Variants in PCDH9 observed in about 807,000 individuals in gnomAD.
The protein encoded by PCDH9 is protocadherin-9.
Under a neutral mutation model 70.6 loss-of-function variants are expected in PCDH9, and 24 were observed. The observed-to-expected ratio is 0.34, with a 90% confidence interval of 0.25 to 0.48. The LOEUF is 0.48. PCDH9 is among the 20% of genes least tolerant of loss of function. PCDH9 has a pLI of 0.99. For missense variants in PCDH9, 1,281 were observed against 1,503.6 expected (o/e 0.85, Z 2.45); for synonymous variants, 562 against 558.5 (o/e 1.01, Z -0.09).
At position 66,602,922 on chromosome 13, in the gene PCDH9, A is replaced by G. The variant is rs555028802; in HGVS notation, c.3340+28288T>C. On this transcript the variant is annotated intron_variant, in intron 4 of 4. Coordinates refer to ENST00000377865, the MANE Select transcript of PCDH9 (RefSeq NM_203487.3). ...ATACAGTATTGTGTTATAATTGCCT[A>G]CAGTATTCAATATAGTAACATGTTG... Among the ~76,000 whole-genome samples the G allele has an allele frequency of 6.2e-5, 9 of 146,176 alleles. 1 individual carries two copies. Among genetic ancestry groups the G allele is most frequent in the South Asian group, 4.4e-4 (2 of 4,554 alleles).
intron 4 of PCDH9, among the ~76,000 whole-genome samples, chr13:66,377,358 G>T (rs767909984): frequency 3.3e-5 from 5 of 152,142 alleles, no homozygotes; most frequent in Non-Finnish European, 5.9e-5. Flanking sequence ...CGAGGCTCAA[G>T]AAGTTGCATT....
intron 4 of PCDH9, among the ~76,000 whole-genome samples, chr13:66,443,423 A>T (rs1958010779): frequency 6.6e-6 from 1 of 152,204 alleles, no homozygotes; most frequent in South Asian, 2.1e-4. Context: ...TGTTCTGAAT[A>T]AATTGTTTCT....
At chr13:66,382,873 A>T (rs1403702757) in intron 4 of PCDH9, among the ~76,000 whole-genome samples, 1 of 152,166 alleles carries the variant, frequency 6.6e-6, no homozygotes, top group Non-Finnish European at 1.5e-5. Context: ...ACTACTAAAA[A>T]TACAAAAAAT....
At chr13:66,565,728 C>G (rs2090699975) in intron 4 of PCDH9, among the ~76,000 whole-genome samples, 1 of 152,078 alleles carries the variant, frequency 6.6e-6, no homozygotes, top group Non-Finnish European at 1.5e-5. Context: ...ACTCAGGTTC[C>G]TTAAGGAAAT....
chr13:66,828,810 A>AAAAAATAATAATAATAATAAT, intron 3 of PCDH9, among the ~76,000 whole-genome samples: 1 of 148,668 alleles, frequency 6.7e-6, no homozygotes, highest in Admixed American at 6.7e-5. Flanking sequence ...GCCATACATA[A>AAAAAATAATAATAATAATAAT]AATAATAATA....
chr13:66,483,693 T>C (rs1958883457), intron 4 of PCDH9, among the ~76,000 whole-genome samples: 1 of 152,172 alleles, frequency 6.6e-6, no homozygotes, highest in Non-Finnish European at 1.5e-5. Context: ...TAAGTGATAC[T>C]GAAGTGGAGG....
chr13:66,986,694 G>A (rs1594353755), intron 2 of PCDH9, among the ~76,000 whole-genome samples: 1 of 151,812 alleles, frequency 6.6e-6, no homozygotes, highest in South Asian at 2.1e-4. Flanking sequence ...CAGATTTTAG[G>A]GTACTAAAAC....
At chr13:66,934,109 C>T (rs907524739) in intron 2 of PCDH9, among the ~76,000 whole-genome samples, 1 of 152,056 alleles carries the variant, frequency 6.6e-6, no homozygotes, top group Admixed American at 6.6e-5. Flanking sequence ...AAGCAAATGG[C>T]CCCCACTAAA....
chr13:67,135,754 A>G (rs2138342402), intron 2 of PCDH9, among the ~76,000 whole-genome samples: 1 of 152,268 alleles, frequency 6.6e-6, no homozygotes, highest in Middle Eastern at 3.4e-3. Context: ...TAGAATTAGG[A>G]GAAATTGTAG....
intron 3 of PCDH9, among the ~76,000 whole-genome samples, chr13:66,809,605 G>A (rs917840165): frequency 6.6e-6 from 1 of 151,854 alleles, no homozygotes. Context: ...GTGTGTATAT[G>A]CAGCAATGGT....
chr13:66,429,162 G>C (rs1459288492), intron 4 of PCDH9, among the ~76,000 whole-genome samples: 1 of 151,748 alleles, frequency 6.6e-6, no homozygotes, highest in Non-Finnish European at 1.5e-5. Flanking sequence ...CTCTGATACT[G>C]ACTATTGCAA....
chr13:66,454,135 A>G (rs1958269701), intron 4 of PCDH9, among the ~76,000 whole-genome samples: 1 of 152,056 alleles, frequency 6.6e-6, no homozygotes, highest in South Asian at 2.1e-4. Flanking sequence ...AAAGTCCCCA[A>G]ATAAGACTTG....
intron 2 of PCDH9, among the ~76,000 whole-genome samples, chr13:67,013,482 T>C (rs995524264): frequency 1.3e-5 from 2 of 152,014 alleles, no homozygotes; most frequent in Non-Finnish European, 2.9e-5. Flanking sequence ...GCATGCATAA[T>C]TTTTTATCCA....
At chr13:66,837,629 C>G (rs2081043980) in intron 3 of PCDH9, among the ~76,000 whole-genome samples, 1 of 152,158 alleles carries the variant, frequency 6.6e-6, no homozygotes, top group Non-Finnish European at 1.5e-5. Flanking sequence ...GTGTAGGGGA[C>G]AGAAAACTTT....
intron 4 of PCDH9, among the ~76,000 whole-genome samples, chr13:66,531,611 A>C (rs896570340): frequency 1.3e-5 from 2 of 152,156 alleles, no homozygotes; most frequent in African/African-American, 4.8e-5. Flanking sequence ...GACTCTTCTA[A>C]GTAATATTGA....
chr13:66,417,801 C>T (rs1438448033), intron 4 of PCDH9, among the ~76,000 whole-genome samples: 1 of 152,164 alleles, frequency 6.6e-6, no homozygotes, highest in African/African-American at 2.4e-5. Context: ...GCATAAATGT[C>T]TTCTTTTGAA....
intron 2 of PCDH9, among the ~76,000 whole-genome samples, chr13:67,126,949 A>G (rs557998582): frequency 1.3e-5 from 2 of 152,284 alleles, no homozygotes; most frequent in South Asian, 4.1e-4. Flanking sequence ...TCTTCCAGCT[A>G]TTTTAGCCTA....
chr13:67,150,662 C>A (rs757357679), intron 2 of PCDH9, among the ~76,000 whole-genome samples: 2 of 152,090 alleles, frequency 1.3e-5, no homozygotes, highest in Non-Finnish European at 2.9e-5. Flanking sequence ...GAAGTGAGAA[C>A]AATAATTTCT....
intron 4 of PCDH9, among the ~76,000 whole-genome samples, chr13:66,469,714 A>G (rs113199898): frequency 2.8e-4 from 43 of 152,268 alleles, no homozygotes; most frequent in African/African-American, 7.9e-4. Context: ...CAATTCTGGT[A>G]TCTCTGGTCG....
Sources: gnomAD v4.1 joint callset for allele counts (sites outside exome capture counted in the v4.1 genomes callset) on GRCh38, gnomAD v4.1.1 for gene constraint, MANE v1.5 for transcripts, NCBI Gene and HGNC (gene_info 2026-07-23, HGNC 2026-07-21) for gene names.